The following DRC11 variants were observed in gnomAD, a reference collection of about 807,000 sequenced individuals.
DRC11 encodes the protein IQ and AAA domain-containing protein 1.
chr2:236,434,940 C>G, the DRC11 span, among the ~76,000 whole-genome samples: 20 of 152,270 alleles, frequency 1.3e-4, no homozygotes, highest in South Asian at 3.9e-3. This position sits in a 1 kb window ranked among gnomAD's most constrained non-coding sequence, Gnocchi z 5.5. Flanking sequence ...GACAATCACT[C>G]AAGGCAGGGC....
At chr2:236,392,264 G>T in the DRC11 span, 1 of 1,591,424 alleles carries the variant, frequency 6.3e-7, no homozygotes, top group Non-Finnish European at 8.6e-7. The surrounding 1 kb of genome is among the most constrained non-coding windows in gnomAD (Gnocchi z 5.1). Context: ...ATCTCTGACT[G>T]TAATTCTTTT....
the DRC11 span, among the ~76,000 whole-genome samples, chr2:236,448,480 C>T: frequency 1.5e-4 from 23 of 152,154 alleles, no homozygotes; most frequent in South Asian, 4.4e-3. The surrounding 1 kb of genome is among the most constrained non-coding windows in gnomAD (Gnocchi z 5.3). Flanking sequence ...GGACTACAGG[C>T]GCACATCACC....
chr2:236,376,594 G>A, the DRC11 span, among the ~76,000 whole-genome samples: 11,214 of 152,222 alleles, frequency 0.074, 682 homozygotes, highest in African/African-American at 0.15. The surrounding 1 kb of genome is among the most constrained non-coding windows in gnomAD (Gnocchi z 5.7). Context: ...GTGTTTTCAG[G>A]TCATCATGGT....
the DRC11 span, among the ~76,000 whole-genome samples, chr2:236,390,754 G>A: frequency 6.6e-6 from 1 of 151,866 alleles, no homozygotes; most frequent in Non-Finnish European, 1.5e-5. This position sits in a 1 kb window ranked among gnomAD's most constrained non-coding sequence, Gnocchi z 5.9. Flanking sequence ...CCCAGGGTTT[G>A]TGGGAGGCCC....
At chr2:236,445,371 C>T in the DRC11 span, among the ~76,000 whole-genome samples, 1 of 152,050 alleles carries the variant, frequency 6.6e-6, no homozygotes, top group Non-Finnish European at 1.5e-5. The surrounding 1 kb of genome is among the most constrained non-coding windows in gnomAD (Gnocchi z 4.8). Flanking sequence ...CTTGCTCTGT[C>T]GCCCAGGCTG....
the DRC11 span, among the ~76,000 whole-genome samples, chr2:236,357,746 A>G: frequency 1.6e-5 from 2 of 126,896 alleles, no homozygotes; most frequent in Non-Finnish European, 3.1e-5. Flanking sequence ...TATAATATGT[A>G]AATATATAAA....
chr2:236,357,508 T>TCAGA, the DRC11 span, among the ~76,000 whole-genome samples: 4 of 127,218 alleles, frequency 3.1e-5, no homozygotes, highest in Non-Finnish European at 6.2e-5. Context: ...TATTTACATA[T>TCAGA]TATAAATATA....
chr2:236,357,026 T>TTTATTC, the DRC11 span, among the ~76,000 whole-genome samples: 1,847 of 108,554 alleles, frequency 0.017, 162 homozygotes, highest in Non-Finnish European at 0.022. Flanking sequence ...TATATATCTA[T>TTTATTC]ATATTTATAT....
the DRC11 span, among the ~76,000 whole-genome samples, chr2:236,346,954 C>T: frequency 6.6e-6 from 1 of 152,196 alleles, no homozygotes; most frequent in Non-Finnish European, 1.5e-5. Flanking sequence ...CTCAAGTGAG[C>T]ATGCGCACAA....
the DRC11 span, among the ~76,000 whole-genome samples, chr2:236,460,347 C>T: frequency 6.5e-3 from 983 of 152,268 alleles, 13 homozygotes; most frequent in African/African-American, 0.022. The surrounding 1 kb of genome is among the most constrained non-coding windows in gnomAD (Gnocchi z 4.0). Context: ...GCTGGGACAA[C>T]GGAGAGCGTG....
At chr2:236,343,639 C>T in the DRC11 span, 2 of 1,017,618 alleles carry the variant, frequency 2.0e-6, no homozygotes, top group Non-Finnish European at 1.4e-6. This position sits in a 1 kb window ranked among gnomAD's most constrained non-coding sequence, Gnocchi z 6.6. Flanking sequence ...CACTGCCCTG[C>T]ATTTCTCTTA....
the DRC11 span, among the ~76,000 whole-genome samples, chr2:236,379,219 C>T: frequency 6.6e-6 from 1 of 152,156 alleles, no homozygotes; most frequent in Non-Finnish European, 1.5e-5. Context: ...GCAGGAACCC[C>T]CAAACAGGGT....
the DRC11 span, among the ~76,000 whole-genome samples, chr2:236,372,056 A>C: frequency 6.6e-6 from 1 of 152,164 alleles, no homozygotes; most frequent in African/African-American, 2.4e-5. The surrounding 1 kb of genome is among the most constrained non-coding windows in gnomAD (Gnocchi z 4.5). Flanking sequence ...TTAAACGTCT[A>C]AACCCTTTTC....
At chr2:236,357,032 T>C in the DRC11 span, among the ~76,000 whole-genome samples, 44 of 97,840 alleles carry the variant, frequency 4.5e-4, 1 homozygote, top group African/African-American at 6.5e-4. Flanking sequence ...TCTATATATT[T>C]ATATATTCAT....
the DRC11 span, among the ~76,000 whole-genome samples, chr2:236,402,757 C>T: frequency 3.3e-5 from 5 of 152,262 alleles, no homozygotes; most frequent in Non-Finnish European, 5.9e-5. This position sits in a 1 kb window ranked among gnomAD's most constrained non-coding sequence, Gnocchi z 6.0. Context: ...GGGTTAGCTA[C>T]GCCCCATTCC....
chr2:236,396,903 G>T, the DRC11 span, among the ~76,000 whole-genome samples: 1 of 152,204 alleles, frequency 6.6e-6, no homozygotes, highest in Admixed American at 6.5e-5. Context: ...ACTGTGAGAA[G>T]CATCCGTGAA....
the DRC11 span, among the ~76,000 whole-genome samples, chr2:236,363,114 G>C: frequency 6.6e-6 from 1 of 152,204 alleles, no homozygotes; most frequent in Admixed American, 6.5e-5. The surrounding 1 kb of genome is among the most constrained non-coding windows in gnomAD (Gnocchi z 5.6). Context: ...GGCAGCAACT[G>C]AAATGAATAG....
At chr2:236,478,526 T>C in the DRC11 span, among the ~76,000 whole-genome samples, 2 of 152,184 alleles carry the variant, frequency 1.3e-5, no homozygotes, top group Non-Finnish European at 2.9e-5. The surrounding 1 kb of genome is among the most constrained non-coding windows in gnomAD (Gnocchi z 5.9). Flanking sequence ...GGGTAAAATA[T>C]TCTGTAAATG....
At chr2:236,408,652 C>A in the DRC11 span, 1 of 720,432 alleles carries the variant, frequency 1.4e-6, no homozygotes, top group Non-Finnish European at 2.6e-6. The surrounding 1 kb of genome is among the most constrained non-coding windows in gnomAD (Gnocchi z 5.5). Flanking sequence ...TTCTTGCCAT[C>A]CATATTCTGC....
Sources: allele counts gnomAD v4.1 joint callset (sites outside exome capture counted in the v4.1 genomes callset), GRCh38; gene constraint gnomAD v4.1.1; non-coding constraint Gnocchi (gnomAD v3.1); transcripts MANE v1.5; gene names NCBI Gene and HGNC (gene_info 2026-07-23, HGNC 2026-07-21).